DDAH1: variants seen among roughly 807,000 people sequenced by gnomAD.
The protein encoded by DDAH1 is N(G),N(G)-dimethylarginine dimethylaminohydrolase 1.
DDAH1 carries 19 observed loss-of-function variants against 28.8 expected under a neutral mutation model. That is an observed-to-expected ratio of 0.66 (90% confidence interval 0.46 to 0.97). The LOEUF (loss-of-function observed/expected upper bound fraction) is 0.97. Among genes scored for constraint, DDAH1 ranks in the 50% least tolerant of loss-of-function variants. DDAH1 has a pLI of 0.00. For synonymous variants in DDAH1, 153 were observed against 154.4 expected (o/e 0.99, Z 0.07); for missense variants, 326 against 375.9 (o/e 0.87, Z 1.10).
chr1:85,486,280 G>A (rs1405145154), intron 2 of DDAH1, among the ~76,000 whole-genome samples: 1 of 152,174 alleles, frequency 6.6e-6, no homozygotes, highest in Non-Finnish European at 1.5e-5. Context: ...GTTAAACAGA[G>A]GAGATCTTCA....
At chr1:85,352,649 T>TA (rs1649283079) in intron 2 of DDAH1, among the ~76,000 whole-genome samples, 2 of 152,136 alleles carry the variant, frequency 1.3e-5, no homozygotes, top group Non-Finnish European at 1.5e-5. Context: ...TTTATTAATT[T>TA]AAAAAAATGT....
chr1:85,469,964 G>A, upstream of DDAH1, among the ~76,000 whole-genome samples: 1 of 152,092 alleles, frequency 6.6e-6, no homozygotes, highest in East Asian at 1.9e-4. Flanking sequence ...TAACACAGGG[G>A]CAAGTTTTCT....
intron 1 of DDAH1, among the ~76,000 whole-genome samples, chr1:85,369,679 C>T (rs72722690): frequency 0.073 from 11,172 of 152,076 alleles, 486 homozygotes; most frequent in Middle Eastern, 0.14. Context: ...AATACATCAG[C>T]GAAGAGAGAA....
At position 85,321,419 on chromosome 1, in the gene DDAH1, G is replaced by T; in HGVS notation, c.*33C>A. On this transcript the variant is annotated 3_prime_UTR_variant, in exon 6 of 6. Coordinates refer to ENST00000284031, the MANE Select transcript of DDAH1 (RefSeq NM_012137.4). ...ACAGAGTCATCGGCCTTGCCTGTGC[G>T]GTCTTGCCGGCTACCGGGGGGGACT... 7.0e-7 allele frequency: 1 copy of T among 1,423,508 alleles called. No homozygotes were observed. The highest frequency in any genetic ancestry group is 9.9e-7 in the Non-Finnish European group (1 of 1,006,690). 88.2% of individuals were successfully genotyped at this position (1,423,508 alleles called of 1,614,324 possible). A position where few individuals can be genotyped will look rare whatever the true frequency, so the allele number is the denominator to read the frequency against.
chr1:85,486,252 T>C (rs1656201085), intron 2 of DDAH1, among the ~76,000 whole-genome samples: 1 of 152,166 alleles, frequency 6.6e-6, no homozygotes, highest in Admixed American at 6.5e-5. Flanking sequence ...TGCTTTAGAA[T>C]ATGAGAAGTA....
intron 4 of DDAH1, among the ~76,000 whole-genome samples, chr1:85,330,550 C>T (rs1345971506): frequency 2.0e-5 from 3 of 152,162 alleles, no homozygotes; most frequent in Non-Finnish European, 4.4e-5. Flanking sequence ...AAACCCTCCA[C>T]ACGTCACCAC....
intron 1 of DDAH1, among the ~76,000 whole-genome samples, chr1:85,548,588 A>T (rs1658696774): frequency 1.3e-5 from 2 of 152,236 alleles, no homozygotes; most frequent in Non-Finnish European, 2.9e-5. Flanking sequence ...TAGCTTCAGA[A>T]TAATTCACTT....
At chr1:85,552,523 C>T (rs1353934244) in intron 1 of DDAH1, among the ~76,000 whole-genome samples, 2 of 152,192 alleles carry the variant, frequency 1.3e-5, no homozygotes, top group African/African-American at 4.8e-5. Flanking sequence ...ATAATGGCCA[C>T]TTCCTCAAGG....
intron 1 of DDAH1, among the ~76,000 whole-genome samples, chr1:85,551,020 T>C (rs995074766): frequency 1.3e-5 from 2 of 152,230 alleles, no homozygotes; most frequent in African/African-American, 4.8e-5. Flanking sequence ...CAGGGCTTAG[T>C]CTATGTATAA....
At chr1:85,365,339 C>T (rs1650020202) in intron 1 of DDAH1, among the ~76,000 whole-genome samples, 2 of 152,164 alleles carry the variant, frequency 1.3e-5, no homozygotes, top group African/African-American at 2.4e-5. Context: ...ATTATGTTCA[C>T]TATTATTTAT....
chr1:85,470,793 T>C (rs1171330282), intron 2 of DDAH1, among the ~76,000 whole-genome samples: 1 of 152,188 alleles, frequency 6.6e-6, no homozygotes, highest in East Asian at 1.9e-4. Flanking sequence ...TCAAGACACA[T>C]AGCCTCCTAA....
chr1:85,421,072 T>C (rs1337735328), intron 1 of DDAH1, among the ~76,000 whole-genome samples: 1 of 151,834 alleles, frequency 6.6e-6, no homozygotes, highest in Non-Finnish European at 1.5e-5. Context: ...TAAACAACCA[T>C]ATCTTGTGAG....
At position 85,563,487 on chromosome 1, in the gene DDAH1, T is replaced by C. The variant is rs1238844024; in HGVS notation, c.-123+14497A>G. 2.6e-5 allele frequency among the ~76,000 whole-genome samples: 4 copies of C among 152,204 alleles called. No homozygotes were observed. The East Asian group carries it at 7.7e-4, about 29-fold the overall frequency. The stretch of plus-strand genomic sequence containing the variant: ...GGGGACAAATCAGCCCTAAATTAAA[T>C]GCCACTTTGGTCTCTACAAAACTTA... On this transcript the variant is annotated intron_variant, in intron 1 of 6. Coordinates refer to the DDAH1 transcript ENST00000426972.
chr1:85,488,769 G>A (rs1395340361), intron 2 of DDAH1, among the ~76,000 whole-genome samples: 2 of 152,128 alleles, frequency 1.3e-5, no homozygotes, highest in Non-Finnish European at 2.9e-5. Flanking sequence ...TAGAGTCCTA[G>A]AGACTGAAAG....
chr1:85,431,163 T>G (rs1466780341), intron 1 of DDAH1, among the ~76,000 whole-genome samples: 1 of 152,202 alleles, frequency 6.6e-6, no homozygotes, highest in Non-Finnish European at 1.5e-5. Context: ...GTGGTTTTTG[T>G]CATTGGTTCT....
Position 85,318,589 on chromosome 1 carries a change from C to T in DDAH1, c.*2863G>A, listed in dbSNP as rs1367010263. 1 of 152,528 alleles carries T rather than the reference C, an allele frequency of 6.6e-6. No individual in the cohort carries two copies. The highest frequency in any genetic ancestry group is 2.4e-5 in the African/African-American group (1 of 41,414). The allele number at this position is 152,528 out of a possible 1,614,324, so 9.4% of individuals were successfully genotyped here. Reference sequence around the variant, plus strand: ...GCAGAACTTCTCTGAACTAAAGGGCCGTGAAAGGCATGATTGGTTTTGGCA... The same window carrying T: ...GCAGAACTTCTCTGAACTAAAGGGCTGTGAAAGGCATGATTGGTTTTGGCA... On this transcript the variant is annotated 3_prime_UTR_variant, in exon 6 of 6. Transcript: ENST00000284031.
chr1:85,567,591 G>A (rs1160590329), intron 1 of DDAH1, among the ~76,000 whole-genome samples: 1 of 152,162 alleles, frequency 6.6e-6, no homozygotes, highest in African/African-American at 2.4e-5. Context: ...TCTCAGGTAT[G>A]TCTTTATCAG....
At chr1:85,457,283 C>T (rs192232679) in intron 1 of DDAH1, among the ~76,000 whole-genome samples, 40 of 152,274 alleles carry the variant, frequency 2.6e-4, no homozygotes, top group African/African-American at 8.7e-4. Context: ...GAAGGTTGCT[C>T]TTCTCTGCCT....
chr1:85,477,003 AG>A (rs1323592268), intron 2 of DDAH1, among the ~76,000 whole-genome samples: 3 of 152,176 alleles, frequency 2.0e-5, no homozygotes, highest in African/African-American at 7.2e-5. Context: ...GTAAAGGAAA[AG>A]GACTGGGTAC....
Sources: gnomAD v4.1 joint callset for allele counts (sites outside exome capture counted in the v4.1 genomes callset) on GRCh38, gnomAD v4.1.1 for gene constraint, MANE v1.5 for transcripts, NCBI Gene and HGNC (gene_info 2026-07-23, HGNC 2026-07-21) for gene names.